The following PPP1R14C variants were observed in gnomAD, a reference collection of about 807,000 sequenced individuals.
The protein encoded by PPP1R14C is protein phosphatase 1 regulatory subunit 14C.
PPP1R14C carries 16 observed loss-of-function variants against 20.4 expected under a neutral mutation model. The ratio of observed to expected loss-of-function variants is 0.78; its 90% CI spans 0.53 to 1.19. The LOEUF is 1.19. Ranked by LOEUF, PPP1R14C falls within the 50% of genes most tolerant of loss-of-function variation. The pLI is 0.00. For synonymous variants in PPP1R14C, 91 were observed against 91.0 expected, an observed-to-expected ratio of 1.00 and a Z score of 0.00; for missense variants, 211 against 220.1, an observed-to-expected ratio of 0.96 and a Z score of 0.26.
At chr6:150,192,492 C>T (rs528973486) in intron 1 of PPP1R14C, among the ~76,000 whole-genome samples, 4 of 152,250 alleles carry the variant, frequency 2.6e-5, no homozygotes, top group East Asian at 3.9e-4. Context: ...AGGGCTCAGG[C>T]GGTAATGCTT....
intron 1 of PPP1R14C, among the ~76,000 whole-genome samples, chr6:150,187,228 C>T (rs1259464097): frequency 2.7e-5 from 4 of 147,138 alleles, no homozygotes; most frequent in African/African-American, 1.0e-4. Context: ...GATCTGCCCA[C>T]CTTGGCCTTT....
chr6:150,198,108 T>C (rs55933069), intron 1 of PPP1R14C, among the ~76,000 whole-genome samples: 6 of 86,218 alleles, frequency 7.0e-5, no homozygotes, highest in Admixed American at 3.8e-4. Flanking sequence ...CCCCTGCCCG[T>C]CACGGTGGAG....
chr6:150,182,185 A>G (rs944664849), intron 1 of PPP1R14C, among the ~76,000 whole-genome samples: 2 of 152,210 alleles, frequency 1.3e-5, no homozygotes, highest in African/African-American at 4.8e-5. Context: ...TGTAGTGGTC[A>G]TGGGCATGCA....
intron 1 of PPP1R14C, among the ~76,000 whole-genome samples, chr6:150,181,666 C>A (rs1777623401): frequency 6.6e-6 from 1 of 152,188 alleles, no homozygotes; most frequent in African/African-American, 2.4e-5. Flanking sequence ...CTTCTTGTTT[C>A]TAAACATAGT....
chr6:150,202,182 C>T (rs1777886488), intron 1 of PPP1R14C, among the ~76,000 whole-genome samples: 1 of 152,170 alleles, frequency 6.6e-6, no homozygotes, highest in Admixed American at 6.5e-5. Flanking sequence ...AATGTTCTAG[C>T]AAGTTTCTCA....
At chr6:150,202,801 G>A (rs1777895062) in intron 1 of PPP1R14C, among the ~76,000 whole-genome samples, 1 of 152,188 alleles carries the variant, frequency 6.6e-6, no homozygotes. Context: ...ACCTTCCTGG[G>A]TTCAGCCACC....
At chr6:150,152,964 A>G (rs1006946685) in intron 1 of PPP1R14C, among the ~76,000 whole-genome samples, 1 of 152,150 alleles carries the variant, frequency 6.6e-6, no homozygotes, top group Non-Finnish European at 1.5e-5. Context: ...CTGTGATGTG[A>G]TTAATGCCCT....
intron 1 of PPP1R14C, among the ~76,000 whole-genome samples, chr6:150,192,677 T>C (rs944049101): frequency 6.6e-6 from 1 of 152,192 alleles, no homozygotes; most frequent in Non-Finnish European, 1.5e-5. Flanking sequence ...ATATGTGTTA[T>C]TATATTTCAT....
intron 1 of PPP1R14C, among the ~76,000 whole-genome samples, chr6:150,187,790 AT>A (rs1290636603): frequency 6.6e-6 from 1 of 152,160 alleles, no homozygotes; most frequent in Non-Finnish European, 1.5e-5. Flanking sequence ...AACGATTTAT[AT>A]TTTTTGACTA....
Position 150,214,733 on chromosome 6 carries a change from C to T in PPP1R14C, c.307-11C>T, listed in dbSNP as rs764757651. 1 of 1,610,050 alleles carries T rather than the reference C, an allele frequency of 6.2e-7. No individual in the cohort carries two copies. Among genetic ancestry groups the T allele is most frequent in the South Asian group, 1.1e-5 (1 of 90,684 alleles). On this transcript the variant is annotated splice_polypyrimidine_tract_variant and intron_variant, in intron 1 of 3. Coordinates refer to ENST00000361131, the MANE Select transcript of PPP1R14C (RefSeq NM_030949.3). ...AATTAAATGCCTTCATATCCTCCCA[C>T]TGCCCCCCAGGAAGAAGAAATGCCA...
chr6:150,155,513 G>T (rs1349124289), intron 1 of PPP1R14C, among the ~76,000 whole-genome samples: 1 of 152,146 alleles, frequency 6.6e-6, no homozygotes, highest in African/African-American at 2.4e-5. Flanking sequence ...GTAACAAGAG[G>T]AAGACTTGCT....
intron 1 of PPP1R14C, among the ~76,000 whole-genome samples, chr6:150,155,877 T>C (rs112851191): frequency 0.074 from 11,130 of 151,348 alleles, 464 homozygotes; most frequent in Non-Finnish European, 0.079. Flanking sequence ...ATACAAAAAT[T>C]AGCCAGGTGT....
chr6:150,250,310 A>G lies in PPP1R14C; in HGVS notation c.*1490A>G, dbSNP rs1271271766. On this transcript the variant is annotated 3_prime_UTR_variant, in exon 4 of 4. Coordinates refer to ENST00000361131, the MANE Select transcript of PPP1R14C (RefSeq NM_030949.3). ...GTATTTAATTTTGTATTGTTTACCAATGATTTATTTACAAGATATTTACTC... is the reference window on the plus strand; with the variant it reads ...GTATTTAATTTTGTATTGTTTACCAGTGATTTATTTACAAGATATTTACTC... 6.5e-6 allele frequency: 1 copy of G among 152,678 alleles called. No individual in the cohort carries two copies. The highest frequency in any genetic ancestry group is 2.4e-5 in the African/African-American group (1 of 41,470). The allele number at this position is 152,678 out of a possible 1,614,324, so 9.5% of individuals were successfully genotyped here. A position where few individuals can be genotyped will look rare whatever the true frequency, so the allele number is the denominator to read the frequency against.
At chr6:150,204,256 A>G (rs898242556) in intron 1 of PPP1R14C, among the ~76,000 whole-genome samples, 6 of 152,184 alleles carry the variant, frequency 3.9e-5, no homozygotes, top group African/African-American at 1.4e-4. Context: ...ACGAGGACCA[A>G]CCTGCCGACT....
At chr6:150,238,873 C>A (rs925577915) in intron 3 of PPP1R14C, among the ~76,000 whole-genome samples, 2 of 152,166 alleles carry the variant, frequency 1.3e-5, no homozygotes, top group Non-Finnish European at 2.9e-5. Context: ...AACTGTAAAA[C>A]CTCTACTACA....
Position 150,249,011 on chromosome 6 carries a change from GT to G in PPP1R14C, c.*196del. 2.1e-6 allele frequency: 1 copy of G among 473,814 alleles called. No individual in the cohort carries two copies. The highest frequency in any genetic ancestry group is 3.7e-6 in the Non-Finnish European group (1 of 269,810). The allele number at this position is 473,814 out of a possible 1,614,324, so 29.4% of individuals were successfully genotyped here. On this transcript the variant is annotated 3_prime_UTR_variant, in exon 4 of 4. Transcript: ENST00000361131. ...GAGCGTTCTTTTTTTGGTTTTAAAG[GT>G]TTTTGTTAATGTAATATTTTAATAG...
At chr6:150,162,137 C>T (rs201579635) in intron 1 of PPP1R14C, among the ~76,000 whole-genome samples, 2 of 151,896 alleles carry the variant, frequency 1.3e-5, no homozygotes, top group Admixed American at 1.3e-4. Flanking sequence ...TCACTGCAAC[C>T]TCTGCCTCCT....
At chr6:150,147,036 G>A (rs911203499) in intron 1 of PPP1R14C, among the ~76,000 whole-genome samples, 2 of 151,502 alleles carry the variant, frequency 1.3e-5, no homozygotes, top group African/African-American at 4.9e-5. Context: ...GGCTTATACA[G>A]GTACATTTTC....
intron 3 of PPP1R14C, among the ~76,000 whole-genome samples, chr6:150,242,914 A>ATCT (rs1287282441): frequency 2.0e-5 from 3 of 152,242 alleles, no homozygotes; most frequent in Admixed American, 6.5e-5. Flanking sequence ...AATTGGAAAT[A>ATCT]AAAATATACT....
Sources: allele counts gnomAD v4.1 joint callset (sites outside exome capture counted in the v4.1 genomes callset), GRCh38; gene constraint gnomAD v4.1.1; transcripts MANE v1.5; gene names NCBI Gene and HGNC (gene_info 2026-07-23, HGNC 2026-07-21).